Variants in FAM81B observed in about 807,000 individuals in gnomAD.
FAM81B encodes protein FAM81B.
Under a neutral mutation model 58.7 loss-of-function variants are expected in FAM81B, and 60 were observed. The observed-to-expected ratio is 1.02, with a 90% CI of 0.83 to 1.27. FAM81B has a LOEUF of 1.27. Among genes scored for constraint, FAM81B ranks in the 50% most tolerant of loss-of-function variants. The pLI is 0.00. For missense variants in FAM81B, 491 were observed against 522.0 expected (o/e 0.94, Z 0.58); for synonymous variants, 189 against 179.6 (o/e 1.05, Z -0.42).
At chr5:95,431,651 A>T (rs1382787780) in intron 6 of FAM81B, among the ~76,000 whole-genome samples, 1 of 151,960 alleles carries the variant, frequency 6.6e-6, no homozygotes, top group Non-Finnish European at 1.5e-5. Flanking sequence ...GAGTATTTTC[A>T]AATTTTTCTC....
At chr5:95,441,071 G>C (rs1259451162) in intron 7 of FAM81B, among the ~76,000 whole-genome samples, 1 of 152,110 alleles carries the variant, frequency 6.6e-6, no homozygotes, top group Non-Finnish European at 1.5e-5. Flanking sequence ...ATCCTCATTA[G>C]TAAATTGAAA....
chr5:95,435,075 G>T (rs959894684), intron 6 of FAM81B, among the ~76,000 whole-genome samples: 1 of 152,204 alleles, frequency 6.6e-6, no homozygotes, highest in Non-Finnish European at 1.5e-5. Context: ...GAGTTCCTTT[G>T]TTCCTTGAAC....
At chr5:95,422,476 T>C (rs567274858) in intron 5 of FAM81B, among the ~76,000 whole-genome samples, 1 of 152,100 alleles carries the variant, frequency 6.6e-6, no homozygotes, top group Admixed American at 6.5e-5. Flanking sequence ...AAACCAAACA[T>C]GGTTTCTTTG....
At chr5:95,405,480 T>C (rs1762221082) in intron 3 of FAM81B, among the ~76,000 whole-genome samples, 1 of 152,252 alleles carries the variant, frequency 6.6e-6, no homozygotes, top group African/African-American at 2.4e-5. Context: ...TTTTACGTTT[T>C]CTAGTTTTTC....
chr5:95,440,811 T>C, intron 7 of FAM81B: 1 of 239,180 alleles, frequency 4.2e-6, no homozygotes, highest in Non-Finnish European at 8.3e-6. Context: ...GTGACTATGT[T>C]CTAGTGCTTT....
At chr5:95,402,612 T>A (rs939175312) in intron 3 of FAM81B, among the ~76,000 whole-genome samples, 1 of 152,206 alleles carries the variant, frequency 6.6e-6, no homozygotes, top group African/African-American at 2.4e-5. Flanking sequence ...GGTGATACCC[T>A]CCTAAAAGTC....
chr5:95,445,577 A>G (rs1425450323), intron 7 of FAM81B, among the ~76,000 whole-genome samples: 2 of 152,128 alleles, frequency 1.3e-5, no homozygotes, highest in Non-Finnish European at 2.9e-5. Flanking sequence ...ATTCTCTGTT[A>G]TTTAATACTT....
intron 2 of FAM81B, 118 bp from the exon 3 acceptor site, chr5:95,395,993 A>T (rs187941723): frequency 1.1e-4 from 78 of 733,126 alleles, no homozygotes; most frequent in Non-Finnish European, 1.6e-4. Flanking sequence ...AACTGAGCTG[A>T]TTATCTGGTC....
intron 7 of FAM81B, among the ~76,000 whole-genome samples, chr5:95,443,290 T>C (rs531825079): frequency 2.0e-5 from 3 of 152,086 alleles, no homozygotes; most frequent in African/African-American, 7.2e-5. Flanking sequence ...TGTAATTTTC[T>C]CCCTTATAAT....
intron 3 of FAM81B, among the ~76,000 whole-genome samples, chr5:95,408,075 TG>T (rs1762309029): frequency 1.5e-5 from 2 of 130,224 alleles, no homozygotes; most frequent in Admixed American, 7.7e-5. Context: ...TCCCCCAAAA[TG>T]AGAGAGAGAG....
intron 4 of FAM81B, 126 bp downstream of exon 4, chr5:95,414,316 G>A: frequency 1.8e-6 from 2 of 1,106,428 alleles, no homozygotes; most frequent in Non-Finnish European, 2.5e-6. Flanking sequence ...AAGTTTAGAT[G>A]ATTACATTTT....
intron 3 of FAM81B, among the ~76,000 whole-genome samples, chr5:95,400,437 C>CATACAT (rs35225220): frequency 3.2e-5 from 3 of 94,304 alleles, no homozygotes; most frequent in Non-Finnish European, 4.5e-5. Context: ...CATACATACA[C>CATACAT]ACACACACAC....
chr5:95,392,994 T>C (rs939590445), intron 2 of FAM81B, 97 bp downstream of exon 2: 135 of 1,073,970 alleles, frequency 1.3e-4, no homozygotes, highest in Middle Eastern at 9.6e-4. Context: ...TCTGGAAGAA[T>C]AGTTCTCCCA....
intron 5 of FAM81B, among the ~76,000 whole-genome samples, chr5:95,425,174 C>CA (rs397948199): frequency 0.11 from 14,085 of 127,126 alleles, 1,427 homozygotes; most frequent in African/African-American, 0.28. Flanking sequence ...ACGAATTCTT[C>CA]AAAAAAAAAA....
Position 95,414,092 on chromosome 5 carries a change from C to T in FAM81B, c.439C>T (p.His147Tyr), listed in dbSNP as rs1762474394. 1.2e-6 allele frequency: 2 copies of T among 1,613,980 alleles called. No individual in the cohort carries two copies. The change falls in exon 4 of 10, where the codon CAT (histidine) becomes TAT (tyrosine). Residue 147 changes from histidine to tyrosine, a missense_variant. His to Tyr is a moderately conservative substitution (Grantham distance 83, BLOSUM62 2). Transcript: ENST00000283357. ...CATCTCTGCTTGCCTGCAGGGGACC[C>T]ATGGCTTTCGAAAAGAGGAATCGCT... The part of the protein sequence containing the change: ...EDISACLQGT[H>Y]GFRKEESLAR...
chr5:95,395,454 A>G (rs1761942296), intron 2 of FAM81B, among the ~76,000 whole-genome samples: 2 of 151,884 alleles, frequency 1.3e-5, no homozygotes, highest in African/African-American at 2.4e-5. Context: ...AAAAAAAAAA[A>G]AAAAAAAGAA....
chr5:95,409,478 A>ATTTTTATTTTTTTTTTTTT, intron 3 of FAM81B, among the ~76,000 whole-genome samples: 1 of 151,644 alleles, frequency 6.6e-6, no homozygotes. Flanking sequence ...TTTTTAAAGA[A>ATTTTTATTTTTTTTTTTTT]TTTTTCTTAA....
intron 7 of FAM81B, among the ~76,000 whole-genome samples, chr5:95,445,920 A>G (rs1745540128): frequency 1.3e-5 from 2 of 152,198 alleles, no homozygotes; most frequent in African/African-American, 2.4e-5. Context: ...AGCAGGAGTC[A>G]GCAAACTATC....
chr5:95,441,843 C>T (rs372490254), intron 7 of FAM81B, among the ~76,000 whole-genome samples: 3 of 152,140 alleles, frequency 2.0e-5, no homozygotes, highest in Admixed American at 2.0e-4. Flanking sequence ...TAAGTAATGT[C>T]CTAAGCCTAC....
Sources: gnomAD v4.1 joint callset for allele counts (sites outside exome capture counted in the v4.1 genomes callset) on GRCh38, gnomAD v4.1.1 for gene constraint, MANE v1.5 for transcripts, NCBI Gene and HGNC (gene_info 2026-07-23, HGNC 2026-07-21) for gene names.